LRP1B: variants seen among roughly 807,000 people sequenced by gnomAD.
LRP1B encodes LDL receptor related protein 1B, also known as low-density lipoprotein receptor-related protein 1B.
In LRP1B, 217 loss-of-function variants were observed where a neutral mutation model predicts 556.6. The ratio of observed to expected loss-of-function variants is 0.39; its 90% CI spans 0.35 to 0.44. The LOEUF (loss-of-function observed/expected upper bound fraction) is 0.44, where lower values mean the gene tolerates loss of function less well. Among genes scored for constraint, LRP1B ranks in the 20% least tolerant of loss-of-function variants. The pLI is 1.00. For missense variants in LRP1B, 5,053 were observed against 5,620.8 expected (o/e 0.90, Z 3.23); for synonymous variants, 2,047 against 1,865.8 (o/e 1.10, Z -2.50).
intron 1 of LRP1B, among the ~76,000 whole-genome samples, chr2:141,931,902 T>C (rs1279888109): frequency 6.6e-6 from 1 of 151,980 alleles, no homozygotes; most frequent in Non-Finnish European, 1.5e-5. Context: ...TCTGGAGATA[T>C]GGGCTGTGTC....
intron 3 of LRP1B, among the ~76,000 whole-genome samples, chr2:141,414,053 C>T (rs527738730): frequency 6.6e-5 from 10 of 151,920 alleles, no homozygotes; most frequent in South Asian, 2.1e-4. Context: ...CTAGCTAAGA[C>T]GGTGAAAACC....
At chr2:140,533,212 C>T (rs12619328) in intron 47 of LRP1B, among the ~76,000 whole-genome samples, 65,525 of 151,020 alleles carry the variant, frequency 0.43, 15,060 homozygotes, top group East Asian at 0.58. Flanking sequence ...GTTTCTTTAT[C>T]AATGCAATAT....
chr2:141,349,070 T>C (rs1033631440), intron 3 of LRP1B, among the ~76,000 whole-genome samples: 1 of 152,050 alleles, frequency 6.6e-6, no homozygotes, highest in African/African-American at 2.4e-5. Flanking sequence ...TTCAGGTATG[T>C]CTTTATCAAC....
intron 3 of LRP1B, among the ~76,000 whole-genome samples, chr2:141,452,150 A>C (rs1290736276): frequency 6.6e-6 from 1 of 152,206 alleles, no homozygotes; most frequent in Admixed American, 6.5e-5. Context: ...ATAACTGTAC[A>C]AAATTATTCC....
intron 1 of LRP1B, among the ~76,000 whole-genome samples, chr2:142,115,610 TTA>T (rs1157774135): frequency 0.015 from 286 of 18,948 alleles, 43 homozygotes; most frequent in African/African-American, 0.019. Context: ...GTAATATATA[TTA>T]TATATATGTA....
chr2:140,770,458 C>A (rs1689271729), intron 34 of LRP1B, among the ~76,000 whole-genome samples: 1 of 151,856 alleles, frequency 6.6e-6, no homozygotes, highest in Admixed American at 6.6e-5. Context: ...TGCTTTTCTC[C>A]CTCAGTTATG....
intron 14 of LRP1B, among the ~76,000 whole-genome samples, chr2:141,012,509 C>A (rs1205854238): frequency 6.6e-6 from 1 of 151,952 alleles, no homozygotes; most frequent in Non-Finnish European, 1.5e-5. Flanking sequence ...TATCTCTATT[C>A]CTCATTTCTT....
At chr2:141,969,437 T>C (rs1701661321) in intron 1 of LRP1B, among the ~76,000 whole-genome samples, 1 of 151,562 alleles carries the variant, frequency 6.6e-6, no homozygotes, top group African/African-American at 2.4e-5. Flanking sequence ...CGCCACCCTC[T>C]TGTAACCATT....
At position 141,021,120 on chromosome 2, in the gene LRP1B, T is replaced by G. The variant is rs369131954; in HGVS notation, c.1790-1018A>C. On this transcript the variant is annotated intron_variant, in intron 11 of 90. Coordinates refer to ENST00000389484, the MANE Select transcript of LRP1B (RefSeq NM_018557.3). Reference sequence around the variant, plus strand: ...TTTGGCATGAGTTACAGAACTGGAATTTACTGGACAAAGGCAATAGGTAGT... The same window carrying G: ...TTTGGCATGAGTTACAGAACTGGAAGTTACTGGACAAAGGCAATAGGTAGT... 1.3e-4 allele frequency among the ~76,000 whole-genome samples: 20 copies of G among 152,112 alleles called. No individual in the cohort carries two copies. The East Asian group carries it at 3.9e-3, about 30-fold the overall frequency.
At position 141,948,558 on chromosome 2, in the gene LRP1B, A is replaced by G. The variant is rs192852714; in HGVS notation, c.83-138157T>C. ...AAAATAGTCAATGAAGAAACACTCT[A>G]TTCAGTTAATAAAATAATTACATTT... On this transcript the variant is annotated intron_variant, in intron 1 of 90. Transcript: ENST00000389484. Among the ~76,000 whole-genome samples, 76 of 152,110 alleles carry G rather than the reference A, an allele frequency of 5.0e-4. 1 individual carries two copies. Among genetic ancestry groups the G allele is most frequent in the African/African-American group, 1.8e-3 (74 of 41,550 alleles).
chr2:140,750,079 TAC>T (rs59747381), intron 35 of LRP1B, among the ~76,000 whole-genome samples: 291 of 150,720 alleles, frequency 1.9e-3, no homozygotes, highest in African/African-American at 6.8e-3. Flanking sequence ...TGTGCACACG[TAC>T]ACACACACAC....
At chr2:140,359,254 A>T (rs754006128) in intron 72 of LRP1B, among the ~76,000 whole-genome samples, 1 of 151,690 alleles carries the variant, frequency 6.6e-6, no homozygotes, top group African/African-American at 2.4e-5. Context: ...TATGCCTACA[A>T]TTATGCAATA....
chr2:141,812,587 T>C (rs544536584), intron 1 of LRP1B, among the ~76,000 whole-genome samples: 21 of 152,222 alleles, frequency 1.4e-4, no homozygotes, highest in Admixed American at 3.9e-4. Context: ...AAAAATGATT[T>C]ATGGTGTTGG....
At chr2:141,332,270 C>A (rs1687681792) in intron 3 of LRP1B, among the ~76,000 whole-genome samples, 1 of 151,866 alleles carries the variant, frequency 6.6e-6, no homozygotes, top group South Asian at 2.1e-4. Flanking sequence ...GCAAAATGAG[C>A]CTATAACCAC....
intron 31 of LRP1B, among the ~76,000 whole-genome samples, chr2:140,832,643 A>T (rs968087771): frequency 6.6e-6 from 1 of 152,212 alleles, no homozygotes; most frequent in Admixed American, 6.5e-5. Flanking sequence ...CGAGGCACAG[A>T]AGGACAAATA....
At chr2:142,012,167 C>A (rs1232277766) in intron 1 of LRP1B, among the ~76,000 whole-genome samples, 6 of 152,078 alleles carry the variant, frequency 3.9e-5, no homozygotes, top group African/African-American at 1.4e-4. Context: ...CTTTATTTTT[C>A]CAAATTAGGT....
At chr2:141,460,797 G>A (rs542358868) in intron 3 of LRP1B, among the ~76,000 whole-genome samples, 29 of 152,150 alleles carry the variant, frequency 1.9e-4, no homozygotes, top group South Asian at 4.1e-4. Context: ...AATTCAATAC[G>A]GTGAATTTTT....
chr2:140,593,114 T>C (rs1018568956), intron 43 of LRP1B, among the ~76,000 whole-genome samples: 5 of 152,216 alleles, frequency 3.3e-5, no homozygotes, highest in African/African-American at 1.2e-4. Flanking sequence ...AATCAGAGCA[T>C]GTTTATTTAG....
intron 51 of LRP1B, among the ~76,000 whole-genome samples, chr2:140,513,950 T>G (rs930609522): frequency 4.6e-5 from 7 of 152,008 alleles, no homozygotes; most frequent in African/African-American, 1.7e-4. Context: ...AGTGAAATTC[T>G]TGGCCGGTAA....
Sources: allele counts gnomAD v4.1 joint callset (sites outside exome capture counted in the v4.1 genomes callset), GRCh38; gene constraint gnomAD v4.1.1; transcripts MANE v1.5; gene names NCBI Gene and HGNC (gene_info 2026-07-23, HGNC 2026-07-21).